The following DOCK9 variants were observed in gnomAD, a reference collection of about 807,000 sequenced individuals.
DOCK9 encodes dedicator of cytokinesis protein 9.
Under a neutral mutation model 263.3 loss-of-function variants are expected in DOCK9, and 89 were observed. The ratio of observed to expected loss-of-function variants is 0.34; its 90% CI spans 0.28 to 0.40. The LOEUF (loss-of-function observed/expected upper bound fraction) is 0.40, where lower values mean the gene tolerates loss of function less well. Among genes scored for constraint, DOCK9 ranks in the 10% least tolerant of loss-of-function variants. DOCK9 has a pLI of 1.00. For synonymous variants in DOCK9, 976 were observed against 973.1 expected (o/e 1.00, Z -0.06); for missense variants, 2,140 against 2,603.4 (o/e 0.82, Z 3.87).
chr13:98,998,493 A>G (rs1881564119), intron 1 of DOCK9, among the ~76,000 whole-genome samples: 1 of 152,204 alleles, frequency 6.6e-6, no homozygotes. Context: ...TGATCCGGGC[A>G]GAGTCTCACA....
At chr13:98,994,585 T>C (rs1371080637) in intron 1 of DOCK9, among the ~76,000 whole-genome samples, 1 of 152,182 alleles carries the variant, frequency 6.6e-6, no homozygotes, top group Non-Finnish European at 1.5e-5. Flanking sequence ...GAGTTCAGTG[T>C]ATTCATCCTA....
rs1335429001 is a variant in DOCK9 at position 98,914,387 on chromosome 13, G to C, written c.901C>G (p.Gln301Glu). Residue 301 changes from glutamine to glutamate, a missense_variant, in exon 9 of 53, where the codon CAA (glutamine) becomes GAA (glutamate). This residue lies in a region of DOCK9 where 1,521 missense variants were observed against 1,741.7 expected (regional missense o/e 0.87). Transcript: ENST00000682017. Reference protein sequence around the residue: ...RNGDSHEDDEQSKLEGSGSGL... With the variant: ...RNGDSHEDDEESKLEGSGSGL... ...GAACCAGAACCTTCCAATTTGCTTT[G>C]TTCATCATCTAAAATGGCAAAACAG... The C allele has an allele frequency of 6.2e-7, 1 of 1,607,786 alleles. No homozygotes were observed. Among genetic ancestry groups the C allele is most frequent in the Admixed American group, 1.7e-5 (1 of 59,120 alleles).
intron 1 of DOCK9, among the ~76,000 whole-genome samples, chr13:98,971,271 G>C (rs2059702971): frequency 6.6e-6 from 1 of 152,188 alleles, no homozygotes; most frequent in African/African-American, 2.4e-5. Context: ...GCAGCCTCGT[G>C]TTTAGCTGCT....
intron 1 of DOCK9, among the ~76,000 whole-genome samples, chr13:99,001,596 T>C (rs568830409): frequency 7.9e-5 from 12 of 152,358 alleles, no homozygotes; most frequent in African/African-American, 2.9e-4. Flanking sequence ...AAGGTAACTC[T>C]TGGATTAACT....
At chr13:98,809,310 T>TA in intron 47 of DOCK9, 42 bp downstream of exon 47, 1 of 1,511,674 alleles carries the variant, frequency 6.6e-7, no homozygotes, top group Non-Finnish European at 9.0e-7. Flanking sequence ...TGTTTTTTTT[T>TA]AAAGGACTTA....
At position 98,829,878 on chromosome 13, in the gene DOCK9, A is replaced by G. The variant is rs2092692582; in HGVS notation, c.4636-122T>C. On this transcript the variant is annotated intron_variant, in intron 41 of 52. Coordinates refer to ENST00000682017, the MANE Select transcript of DOCK9 (RefSeq NM_001366683.2). The surrounding 1 kb of genome is among the most constrained non-coding windows in gnomAD (Gnocchi z 4.1). ...AAAGTGGGGGTTGGGGGGTGCTTTG[A>G]GCAGGGGTCGCTCCGTGTAGGAAAC... 4.0e-6 allele frequency: 3 copies of G among 745,298 alleles called. No homozygotes were observed. The highest frequency in any genetic ancestry group is 7.0e-6 in the Non-Finnish European group (3 of 431,650). 46.2% of individuals were successfully genotyped at this position (745,298 alleles called of 1,614,324 possible).
At chr13:98,865,674 G>A (rs1305210907) in intron 30 of DOCK9, among the ~76,000 whole-genome samples, 1 of 152,182 alleles carries the variant, frequency 6.6e-6, no homozygotes, top group Non-Finnish European at 1.5e-5. Context: ...TGGGCAAAAA[G>A]AGCTCCCTGG....
chr13:98,860,121 A>T, intron 33 of DOCK9: 1 of 1,227,130 alleles, frequency 8.1e-7, no homozygotes, highest in Non-Finnish European at 1.1e-6. Flanking sequence ...CAATCCAATT[A>T]AGATTTAAAA....
intron 1 of DOCK9, among the ~76,000 whole-genome samples, chr13:98,955,819 C>A (rs752592320): frequency 6.6e-6 from 1 of 152,236 alleles, no homozygotes; most frequent in Non-Finnish European, 1.5e-5. Context: ...TTTCTCGGGT[C>A]ATCCCTGACT....
At chr13:99,020,440 C>T (rs957035198) in intron 1 of DOCK9, among the ~76,000 whole-genome samples, 1 of 152,076 alleles carries the variant, frequency 6.6e-6, no homozygotes, top group Non-Finnish European at 1.5e-5. Flanking sequence ...CCAGAAAGCC[C>T]GCACAGAAAA....
chr13:99,086,132 A>C, intron 1 of DOCK9: 4 of 1,376,100 alleles, frequency 2.9e-6, no homozygotes, highest in Non-Finnish European at 3.7e-6. Context: ...GCTCTGCCTC[A>C]GCCCTGCCGA....
chr13:98,832,633 C>T (rs924676267), intron 39 of DOCK9, among the ~76,000 whole-genome samples: 1 of 152,194 alleles, frequency 6.6e-6, no homozygotes, highest in African/African-American at 2.4e-5. Flanking sequence ...AGAATATACA[C>T]AGCAGCTAGA....
intron 2 of DOCK9, among the ~76,000 whole-genome samples, chr13:98,932,664 T>G (rs1049688183): frequency 3.9e-5 from 6 of 152,232 alleles, no homozygotes; most frequent in African/African-American, 1.4e-4. Context: ...ATTTATTTCC[T>G]GCCTGTATTT....
intron 36 of DOCK9, among the ~76,000 whole-genome samples, chr13:98,849,634 T>G (rs2093502790): frequency 1.3e-5 from 2 of 152,130 alleles, no homozygotes; most frequent in South Asian, 4.1e-4. Context: ...CAAACCAAAA[T>G]GAGATAAAGA....
intron 1 of DOCK9, among the ~76,000 whole-genome samples, chr13:99,026,879 A>G (rs1886791772): frequency 6.6e-6 from 1 of 151,874 alleles, no homozygotes; most frequent in African/African-American, 2.4e-5. Context: ...AACATTACAT[A>G]AAGAGCACAG....
intron 1 of DOCK9, among the ~76,000 whole-genome samples, chr13:98,972,373 C>T (rs1364051963): frequency 1.3e-5 from 2 of 151,932 alleles, no homozygotes; most frequent in Non-Finnish European, 1.5e-5. Flanking sequence ...AAAATAAATG[C>T]CGGAGCTGGG....
At chr13:99,075,712 A>T (rs146735988) in intron 1 of DOCK9, among the ~76,000 whole-genome samples, 1 of 151,708 alleles carries the variant, frequency 6.6e-6, no homozygotes, top group Non-Finnish European at 1.5e-5. Flanking sequence ...AGCATGGTAA[A>T]CATCTTTCCT....
chr13:98,985,936 C>T (rs1392557456), intron 1 of DOCK9, among the ~76,000 whole-genome samples: 2 of 152,222 alleles, frequency 1.3e-5, no homozygotes, highest in Non-Finnish European at 2.9e-5. Context: ...TATGATTTAT[C>T]ACAGGAGTTC....
chr13:98,860,074 C>T, intron 33 of DOCK9: 1 of 685,530 alleles, frequency 1.5e-6, no homozygotes, highest in Non-Finnish European at 2.0e-6. Context: ...GTTCCCCTCC[C>T]CCCACCACCT....
Sources: gnomAD v4.1 joint callset for allele counts (sites outside exome capture counted in the v4.1 genomes callset) on GRCh38, gnomAD v4.1.1 for gene constraint, gnomAD v4.1.1 regional missense constraint, Gnocchi (gnomAD v3.1) non-coding constraint, MANE v1.5 for transcripts, NCBI Gene and HGNC (gene_info 2026-07-23, HGNC 2026-07-21) for gene names.